CELA2B: variants seen among roughly 807,000 people sequenced by gnomAD.
The protein encoded by CELA2B is chymotrypsin-like elastase family member 2B.
A neutral mutation model predicts 36.5 loss-of-function variants in CELA2B; 27 were observed. That is an observed-to-expected ratio of 0.74 (90% CI 0.55 to 1.02). The LOEUF (loss-of-function observed/expected upper bound fraction) is 1.02, where lower values mean the gene tolerates loss of function less well. Ranked by LOEUF, CELA2B falls within the 50% of genes least tolerant of loss-of-function variation. CELA2B has a pLI of 0.00. For synonymous variants in CELA2B, 143 were observed against 148.5 expected (o/e 0.96, Z 0.27); for missense variants, 340 against 347.8 (o/e 0.98, Z 0.18).
intron 7 of CELA2B, among the ~76,000 whole-genome samples, chr1:15,489,379 G>A (rs1313411038): frequency 1.3e-5 from 2 of 152,254 alleles, no homozygotes; most frequent in Non-Finnish European, 2.9e-5. Flanking sequence ...TGTGTTCATG[G>A]GAGAGCAGTC....
chr1:15,491,200 A>G (rs1708887135), intron 7 of CELA2B, 95 bp from the exon 8 acceptor site: 1 of 1,461,178 alleles, frequency 6.8e-7, no homozygotes, highest in Non-Finnish European at 9.6e-7. Context: ...GACTCACTTG[A>G]GTAGCTTAGC....
chr1:15,484,791 CTG>C (rs1397642794), intron 5 of CELA2B, among the ~76,000 whole-genome samples: 1 of 152,128 alleles, frequency 6.6e-6, no homozygotes, highest in African/African-American at 2.4e-5. Context: ...AATGGAAACA[CTG>C]TTGGTGAAGA....
intron 3 of CELA2B, 133 bp downstream of exon 3, chr1:15,481,328 C>A: frequency 9.3e-7 from 1 of 1,075,066 alleles, no homozygotes; most frequent in Non-Finnish European, 1.4e-6. Flanking sequence ...GAGACACAAG[C>A]TGTAGTCAAT....
intron 5 of CELA2B, 156 bp from the exon 6 acceptor site, chr1:15,485,745 A>C (rs1708795553): frequency 2.1e-6 from 2 of 952,576 alleles, no homozygotes; most frequent in Admixed American, 4.3e-5. Context: ...CAGCACACTA[A>C]CCAATCAAAT....
intron 2 of CELA2B, 24 bp from the exon 3 acceptor site, chr1:15,481,074 C>A (rs753419723): frequency 1.2e-6 from 2 of 1,611,126 alleles, no homozygotes; most frequent in South Asian, 2.2e-5. Flanking sequence ...TCAGCCACAG[C>A]CACAGACCTG....
At chr1:15,487,212 C>A (rs1460798972) in intron 6 of CELA2B, 73 bp from the exon 7 acceptor site, 9 of 1,373,124 alleles carry the variant, frequency 6.6e-6, no homozygotes, top group Middle Eastern at 1.8e-4. Flanking sequence ...AATAGAAATG[C>A]ATTGAGAACA....
chr1:15,489,140 G>A (rs780443023), intron 7 of CELA2B, among the ~76,000 whole-genome samples: 7 of 152,226 alleles, frequency 4.6e-5, no homozygotes, highest in Admixed American at 3.3e-4. Context: ...TCCAGCCCCA[G>A]CTGCTGTGGG....
At chr1:15,476,576 C>T (rs746249389) in intron 2 of CELA2B, 31 bp downstream of exon 2, 2 of 1,593,900 alleles carry the variant, frequency 1.3e-6, no homozygotes, top group South Asian at 2.2e-5. Context: ...TTCTCCCCGT[C>T]CCTGCCCCAC....
Position 15,477,914 on chromosome 1 carries a change from C to T in CELA2B, c.129+1369C>T, listed in dbSNP as rs1415242618. 2.0e-5 allele frequency among the ~76,000 whole-genome samples: 3 copies of T among 152,196 alleles called. No individual in the cohort carries two copies. The East Asian group carries it at 5.8e-4, about 29-fold the overall frequency. On this transcript the variant is annotated intron_variant, in intron 2 of 7. Transcript: ENST00000375910. ...TTTAAGTAGAAGGAGCAACTAGCAG[C>T]CCACTAGCCTTGAGCATTCAGAGTG... is the stretch of plus-strand genomic sequence containing the variant.
In CELA2B at chr1:15,491,240, G is replaced by A. The variant is rs753178705; in HGVS notation, c.793-55G>A. ...GAGGACAGAGACAGGAAACTGCCAC[G>A]CACAGCTCTGTGGTTACGTGAACCT... On this transcript the variant is annotated intron_variant, in intron 7 of 7. Transcript: ENST00000375910. 6.1e-5 allele frequency: 99 copies of A among 1,611,680 alleles called. 1 individual carries two copies. Among genetic ancestry groups the A allele is most frequent in the Non-Finnish European group, 7.1e-5 (84 of 1,178,050 alleles).
chr1:15,488,157 AAGG>A (rs1708828669), intron 7 of CELA2B, among the ~76,000 whole-genome samples: 1 of 152,164 alleles, frequency 6.6e-6, no homozygotes, highest in African/African-American at 2.4e-5. Flanking sequence ...GAGGCCAAGG[AAGG>A]AGGATTGCTT....
intron 4 of CELA2B, among the ~76,000 whole-genome samples, chr1:15,482,819 T>A (rs1181420831): frequency 2.0e-5 from 3 of 152,098 alleles, no homozygotes; most frequent in Admixed American, 6.5e-5. Flanking sequence ...GGAGTCTCGC[T>A]CTGTCACCCA....
chr1:15,482,516 G>A (rs555578936), intron 4 of CELA2B, 123 bp downstream of exon 4: 6 of 1,374,508 alleles, frequency 4.4e-6, no homozygotes, highest in Non-Finnish European at 5.0e-6. Flanking sequence ...AGAGAAAGGA[G>A]CTCTGGCCTA....
At chr1:15,481,803 A>C (rs990649140) in intron 3 of CELA2B, 96 of 468,766 alleles carry the variant, frequency 2.0e-4, no homozygotes, top group African/African-American at 1.8e-3. Context: ...ACTTATAATA[A>C]GCTCTAGGAG....
intron 5 of CELA2B, 53 bp downstream of exon 5, chr1:15,483,453 C>T: frequency 6.2e-7 from 1 of 1,612,252 alleles, no homozygotes; most frequent in South Asian, 1.1e-5. Context: ...GGTGATGTCA[C>T]CCCTGTCCGG....
Position 15,481,126 on chromosome 1 carries a change from A to G in CELA2B, c.158A>G (p.Gln53Arg), listed in dbSNP as rs1164201875. The change falls in exon 3 of 8, where the codon CAG (glutamine) becomes CGG (arginine). Residue 53 changes from glutamine to arginine, a missense_variant. Coordinates refer to ENST00000375910, the MANE Select transcript of CELA2B (RefSeq NM_015849.3). ...TCCCTGCAGTACAGCTCCAATGGCCAGTGGTACCACACCTGCGGAGGGTCC... is the reference window on the plus strand; with the variant it reads ...TCCCTGCAGTACAGCTCCAATGGCCGGTGGTACCACACCTGCGGAGGGTCC... Reference protein sequence around the residue: ...QVSLQYSSNGQWYHTCGGSLI... With the variant: ...QVSLQYSSNGRWYHTCGGSLI... 8.1e-6 allele frequency: 13 copies of G among 1,613,050 alleles called. No homozygotes were observed. Among genetic ancestry groups the G allele is most frequent in the Non-Finnish European group, 1.1e-5 (13 of 1,180,018 alleles).
chr1:15,487,516 C>T lies in CELA2B; in HGVS notation c.792+79C>T. The T allele has an allele frequency of 4.5e-6, 7 of 1,543,754 alleles. No individual in the cohort carries two copies. The South Asian group carries it at 8.1e-5, about 18-fold the overall frequency. ...CGGGAGTGCCATGCCCACCTGGCGA[C>T]TGAGAACCCCCTCCTTCCTCTTGAG... On this transcript the variant is annotated intron_variant, in intron 7 of 7. Transcript: ENST00000375910.
intron 2 of CELA2B, among the ~76,000 whole-genome samples, chr1:15,479,100 T>C (rs1708711196): frequency 6.6e-6 from 1 of 152,206 alleles, no homozygotes; most frequent in South Asian, 2.1e-4. Context: ...ATCTGTAGGA[T>C]GGTTTCAGCA....
rs1283773854 is a variant in CELA2B at position 15,487,273 on chromosome 1, G to A, written c.640-12G>A. 4 of 1,613,536 alleles carry A rather than the reference G, an allele frequency of 2.5e-6. No individual in the cohort carries two copies. On this transcript the variant is annotated splice_polypyrimidine_tract_variant and intron_variant, in intron 6 of 7. Transcript: ENST00000375910. Reference sequence around the variant, plus strand: ...TCCCACTTCAACTCCCTATAACTCTGGCCTTCCTCAGGGAGACTCCGGTGG... The same window carrying A: ...TCCCACTTCAACTCCCTATAACTCTAGCCTTCCTCAGGGAGACTCCGGTGG...
Sources: gnomAD v4.1 joint callset for allele counts (sites outside exome capture counted in the v4.1 genomes callset) on GRCh38, gnomAD v4.1.1 for gene constraint, MANE v1.5 for transcripts, NCBI Gene and HGNC (gene_info 2026-07-23, HGNC 2026-07-21) for gene names.